Variants in CACNA2D3 observed in about 807,000 individuals in gnomAD.
The protein encoded by CACNA2D3 is voltage-dependent calcium channel subunit alpha-2/delta-3.
In CACNA2D3, 60 loss-of-function variants were observed where a neutral mutation model predicts 160.6. The ratio of observed to expected loss-of-function variants is 0.37; its 90% CI spans 0.30 to 0.46. The LOEUF (loss-of-function observed/expected upper bound fraction) is 0.46, where lower values mean the gene tolerates loss of function less well. Ranked by LOEUF, CACNA2D3 falls within the 20% of genes least tolerant of loss-of-function variation. The pLI is 1.00. For missense variants in CACNA2D3, 1,205 were observed against 1,365.0 expected (o/e 0.88, Z 1.85); for synonymous variants, 558 against 492.9 (o/e 1.13, Z -1.75).
intron 11 of CACNA2D3, among the ~76,000 whole-genome samples, chr3:54,744,257 G>A (rs1164225058): frequency 6.6e-6 from 1 of 152,092 alleles, no homozygotes; most frequent in Non-Finnish European, 1.5e-5. Context: ...CCACTAAGAG[G>A]GCCCATCTTG....
At chr3:54,363,144 G>A (rs1471850662) in intron 3 of CACNA2D3, among the ~76,000 whole-genome samples, 2 of 152,036 alleles carry the variant, frequency 1.3e-5, no homozygotes, top group African/African-American at 2.4e-5. Context: ...GCAGTGAGCC[G>A]AGATTGCGCC....
intron 2 of CACNA2D3, among the ~76,000 whole-genome samples, chr3:54,294,411 ATCC>A (rs887865215): frequency 1.3e-5 from 2 of 152,002 alleles, no homozygotes; most frequent in Non-Finnish European, 2.9e-5. Context: ...CTCATGAGCT[ATCC>A]TCCTGCCCAC....
Position 54,347,693 on chromosome 3 carries a change from C to T in CACNA2D3, c.321+27135C>T, listed in dbSNP as rs1698483950. On this transcript the variant is annotated intron_variant, in intron 3 of 37. Coordinates refer to ENST00000474759, the MANE Select transcript of CACNA2D3 (RefSeq NM_018398.3). ...CAAAAAACACCATGGGCTCCTTCTTCATAGAAGGCTCCTTTAGGGTCCAAT... is the reference window on the plus strand; with the variant it reads ...CAAAAAACACCATGGGCTCCTTCTTTATAGAAGGCTCCTTTAGGGTCCAAT... Among the ~76,000 whole-genome samples, 3 of 151,904 alleles carry T rather than the reference C, an allele frequency of 2.0e-5. No homozygotes were observed. In the South Asian group the frequency reaches 6.2e-4, roughly 32 times the overall value.
At chr3:54,214,257 G>A (rs972178140) in intron 2 of CACNA2D3, among the ~76,000 whole-genome samples, 1 of 152,162 alleles carries the variant, frequency 6.6e-6, no homozygotes. Flanking sequence ...ACCTTGAATG[G>A]GATGTGGCCA....
At chr3:54,123,708 T>C (rs1559853790) in intron 2 of CACNA2D3, 114 bp downstream of exon 2, 2 of 854,406 alleles carry the variant, frequency 2.3e-6, no homozygotes, top group East Asian at 4.9e-5. Flanking sequence ...CGGAGGACTC[T>C]CTGATCCCCG....
intron 2 of CACNA2D3, among the ~76,000 whole-genome samples, chr3:54,225,934 G>A (rs544707259): frequency 7.5e-4 from 114 of 152,258 alleles, no homozygotes; most frequent in African/African-American, 2.6e-3. Flanking sequence ...GAGACTAGGA[G>A]CAGTGAGTTC....
intron 27 of CACNA2D3, among the ~76,000 whole-genome samples, chr3:54,923,888 A>C (rs1306709150): frequency 6.6e-6 from 1 of 152,188 alleles, no homozygotes; most frequent in African/African-American, 2.4e-5. Context: ...CCCTGTCACA[A>C]CTACTCTGCT....
chr3:54,650,990 C>T (rs1351076322), intron 11 of CACNA2D3, among the ~76,000 whole-genome samples: 1 of 152,158 alleles, frequency 6.6e-6, no homozygotes, highest in Non-Finnish European at 1.5e-5. Flanking sequence ...GAAACTGAGG[C>T]ATGAAGAGGC....
chr3:54,723,291 G>A (rs1701209288), intron 11 of CACNA2D3, among the ~76,000 whole-genome samples: 1 of 147,440 alleles, frequency 6.8e-6, no homozygotes, highest in Non-Finnish European at 1.5e-5. Flanking sequence ...TGTGCTGGCA[G>A]TGAGAATTTC....
intron 5 of CACNA2D3, among the ~76,000 whole-genome samples, chr3:54,523,514 T>G (rs1463402539): frequency 6.6e-6 from 1 of 152,154 alleles, no homozygotes; most frequent in Non-Finnish European, 1.5e-5. Flanking sequence ...TCTTTGACGT[T>G]TTGGTATCAG....
At chr3:54,309,911 C>T (rs1703698605) in intron 2 of CACNA2D3, among the ~76,000 whole-genome samples, 1 of 151,986 alleles carries the variant, frequency 6.6e-6, no homozygotes, top group Non-Finnish European at 1.5e-5. Context: ...CCACTCCCTG[C>T]ATCCTCTCTG....
At chr3:54,336,215 C>A (rs1704374265) in intron 3 of CACNA2D3, among the ~76,000 whole-genome samples, 1 of 152,086 alleles carries the variant, frequency 6.6e-6, no homozygotes, top group Admixed American at 6.5e-5. Flanking sequence ...AGCCTGACTT[C>A]CTCAGCTGGG....
At chr3:54,689,824 C>T (rs984608536) in intron 11 of CACNA2D3, among the ~76,000 whole-genome samples, 1 of 152,142 alleles carries the variant, frequency 6.6e-6, no homozygotes, top group Non-Finnish European at 1.5e-5. Flanking sequence ...CCCCTATAAT[C>T]TGTTTTCAGC....
intron 11 of CACNA2D3, among the ~76,000 whole-genome samples, chr3:54,724,364 C>G (rs751695804): frequency 1.3e-5 from 2 of 152,118 alleles, no homozygotes; most frequent in Admixed American, 6.6e-5. Context: ...ATCAACGAGA[C>G]TGAAAATTAA....
intron 9 of CACNA2D3, among the ~76,000 whole-genome samples, chr3:54,610,666 CA>C (rs1364391316): frequency 1.3e-5 from 2 of 152,196 alleles, no homozygotes; most frequent in South Asian, 2.1e-4. Flanking sequence ...TCTCGTCACC[CA>C]GGCTGGAGTG....
chr3:54,583,217 C>T (rs1380645846), intron 9 of CACNA2D3, among the ~76,000 whole-genome samples: 2 of 152,076 alleles, frequency 1.3e-5, no homozygotes, highest in South Asian at 2.1e-4. Flanking sequence ...TTAAACAGAA[C>T]AAGCACTTAA....
intron 4 of CACNA2D3, among the ~76,000 whole-genome samples, chr3:54,425,686 A>T (rs1699902455): frequency 6.6e-6 from 1 of 152,160 alleles, no homozygotes; most frequent in African/African-American, 2.4e-5. Context: ...TCTCATGATC[A>T]CTTTTGGGGG....
chr3:54,268,557 C>G (rs1026191933), intron 2 of CACNA2D3, among the ~76,000 whole-genome samples: 1 of 152,080 alleles, frequency 6.6e-6, no homozygotes, highest in Non-Finnish European at 1.5e-5. Flanking sequence ...TTATAGGTGC[C>G]CACCACCACG....
chr3:54,920,928 G>A (rs1700829449), intron 27 of CACNA2D3, among the ~76,000 whole-genome samples: 1 of 152,178 alleles, frequency 6.6e-6, no homozygotes, highest in African/African-American at 2.4e-5. Context: ...CAGAGCCAAG[G>A]AAATACCCAG....
Sources: allele counts gnomAD v4.1 joint callset (sites outside exome capture counted in the v4.1 genomes callset), GRCh38; gene constraint gnomAD v4.1.1; transcripts MANE v1.5; gene names NCBI Gene and HGNC (gene_info 2026-07-23, HGNC 2026-07-21).